Variants in LRRC37A2 observed in about 807,000 individuals in gnomAD.
LRRC37A2 encodes the protein leucine-rich repeat-containing protein 37A2.
Under a neutral mutation model 68.8 loss-of-function variants are expected in LRRC37A2, and 9 were observed. The ratio of observed to expected loss-of-function variants is 0.13; its 90% CI spans 0.08 to 0.23. LRRC37A2 has a LOEUF of 0.23. Among genes scored for constraint, LRRC37A2 ranks in the 10% least tolerant of loss-of-function variants. The pLI is 1.00. For synonymous variants in LRRC37A2, 63 were observed against 367.6 expected (o/e 0.17, Z 9.48); for missense variants, 168 against 950.4 (o/e 0.18, Z 10.82).
the LRRC37A2 span, among the ~76,000 whole-genome samples, chr17:46,827,008 C>T: frequency 5.3e-3 from 814 of 152,230 alleles, 11 homozygotes; most frequent in African/African-American, 0.019. Context: ...AACTCCTGAC[C>T]TCAAATGATC....
chr17:46,545,849 A>G (rs1371822338), intron 8 of LRRC37A2, among the ~76,000 whole-genome samples: 1 of 150,266 alleles, frequency 6.7e-6, no homozygotes, highest in East Asian at 1.9e-4. Flanking sequence ...TTTAATGCCC[A>G]GAGTAATTTA....
the LRRC37A2 span, chr17:46,929,628 A>G: frequency 1.0e-6 from 1 of 971,628 alleles, no homozygotes; most frequent in Non-Finnish European, 1.7e-6. Flanking sequence ...CTCTGATGAC[A>G]GGGTGCTAAT....
the LRRC37A2 span, chr17:46,949,075 C>A: frequency 1.1e-4 from 17 of 152,368 alleles, no homozygotes; most frequent in African/African-American, 4.1e-4. Context: ...CAATAGCTCT[C>A]AGTTGCTACA....
the LRRC37A2 span, chr17:46,935,152 CAG>C: frequency 6.2e-7 from 1 of 1,614,086 alleles, no homozygotes. Flanking sequence ...ACTGAGGACC[CAG>C]AGACTGACCT....
At chr17:46,568,515 G>A in the LRRC37A2 span, among the ~76,000 whole-genome samples, 6 of 108,394 alleles carry the variant, frequency 5.5e-5, no homozygotes, top group Admixed American at 2.7e-4. Flanking sequence ...AAAAAAAAGA[G>A]GGGGGGAGGC....
At chr17:46,983,882 T>C in the LRRC37A2 span, among the ~76,000 whole-genome samples, 3 of 152,126 alleles carry the variant, frequency 2.0e-5, no homozygotes, top group African/African-American at 4.8e-5. Flanking sequence ...GGAGGGGCCA[T>C]TGGCTTCCAA....
At chr17:47,031,285 G>A in the LRRC37A2 span, among the ~76,000 whole-genome samples, 2 of 148,426 alleles carry the variant, frequency 1.3e-5, 1 homozygote, top group Non-Finnish European at 3.0e-5. Context: ...TTGCATTGGG[G>A]AAAGGAGGAC....
chr17:46,954,689 T>C, the LRRC37A2 span, among the ~76,000 whole-genome samples: 2 of 152,238 alleles, frequency 1.3e-5, no homozygotes, highest in Non-Finnish European at 2.9e-5. Flanking sequence ...GTTTGTGTCC[T>C]GTTTTATTTC....
chr17:46,947,550 CT>C, the LRRC37A2 span, among the ~76,000 whole-genome samples: 1 of 152,138 alleles, frequency 6.6e-6, no homozygotes, highest in Non-Finnish European at 1.5e-5. Context: ...TGGACATGAT[CT>C]TTTTAGGTGC....
the LRRC37A2 span, among the ~76,000 whole-genome samples, chr17:46,892,419 G>A: frequency 6.6e-6 from 1 of 152,146 alleles, no homozygotes; most frequent in Non-Finnish European, 1.5e-5. Flanking sequence ...CTGTGCCTTT[G>A]TATGTGCCAG....
the LRRC37A2 span, among the ~76,000 whole-genome samples, chr17:46,776,773 G>A: frequency 3.9e-4 from 59 of 152,118 alleles, no homozygotes; most frequent in Middle Eastern, 3.4e-3. Context: ...GGCTGTCCCC[G>A]CTCCTTCCTC....
At chr17:46,456,210 A>ATGTG in the LRRC37A2 span, among the ~76,000 whole-genome samples, 351 of 90,362 alleles carry the variant, frequency 3.9e-3, no homozygotes, top group Middle Eastern at 0.013. Flanking sequence ...TCCATGGGAT[A>ATGTG]TGTGTGTGTG....
chr17:46,549,114 A>T, exon 10 of LRRC37A2: 1 of 1,611,802 alleles, frequency 6.2e-7, no homozygotes, highest in Non-Finnish European at 8.5e-7. Context: ...AAAAGAGTCC[A>T]AAGGTCAGAA....
the LRRC37A2 span, chr17:46,932,298 A>AAGACTGAT: frequency 7.1e-7 from 1 of 1,402,192 alleles, no homozygotes; most frequent in South Asian, 1.2e-5. Flanking sequence ...GTGTCTGAAG[A>AAGACTGAT]AGACTGATGA....
At chr17:46,934,907 G>T in the LRRC37A2 span, 1 of 867,472 alleles carries the variant, frequency 1.2e-6, no homozygotes, top group Non-Finnish European at 2.0e-6. Context: ...ATTAGGGTCC[G>T]CTGATTCTTT....
chr17:46,755,379 T>C, the LRRC37A2 span: 2 of 1,609,506 alleles, frequency 1.2e-6, no homozygotes, highest in Middle Eastern at 1.7e-4. Context: ...CGTAAGTACA[T>C]ACAACATTTA....
In LRRC37A2 at chr17:46,515,057, C is replaced by G. The variant is rs2667800; in HGVS notation, c.2345C>G (p.Thr782Ser). The change falls in exon 2 of 15, where the codon ACT (threonine) becomes AGT (serine). Residue 782 changes from threonine (T) to serine (S), a missense_variant. By Grantham distance (58) the Thr-to-Ser change is moderately conservative (BLOSUM62 1). Transcript: ENST00000576629. Reference sequence around the variant, plus strand: ...GCTCCTCGTCCAGACCGGGTTCAGACTCTGCATCGAAGCCTGACTGAAGTC... The same window carrying G: ...GCTCCTCGTCCAGACCGGGTTCAGAGTCTGCATCGAAGCCTGACTGAAGTC... 8.0e-6 allele frequency: 6 copies of G among 753,242 alleles called. 2 individuals carry two copies. Among genetic ancestry groups the G allele is most frequent in the South Asian group, 2.7e-5 (1 of 37,648 alleles). The allele number at this position is 753,242 out of a possible 1,614,324, so 46.7% of individuals were successfully genotyped here. A position where few individuals can be genotyped will look rare whatever the true frequency, so the allele number is the denominator to read the frequency against.
At chr17:46,779,254 A>G in the LRRC37A2 span, among the ~76,000 whole-genome samples, 17 of 152,318 alleles carry the variant, frequency 1.1e-4, no homozygotes, top group East Asian at 3.3e-3. Context: ...TACACACAGG[A>G]CAAGACTCCT....
chr17:47,004,277 A>G, the LRRC37A2 span, among the ~76,000 whole-genome samples: 11,362 of 152,228 alleles, frequency 0.075, 506 homozygotes, highest in Middle Eastern at 0.12. Context: ...CTAGTTCTAG[A>G]TCCTTAAGGA....
Sources: allele counts gnomAD v4.1 joint callset (sites outside exome capture counted in the v4.1 genomes callset), GRCh38; gene constraint gnomAD v4.1.1; transcripts MANE v1.5; gene names NCBI Gene and HGNC (gene_info 2026-07-23, HGNC 2026-07-21).